DLG2: variants seen among roughly 807,000 people sequenced by gnomAD.
DLG2 encodes disks large homolog 2.
Under a neutral mutation model 132.5 loss-of-function variants are expected in DLG2, and 45 were observed. The ratio of observed to expected loss-of-function variants is 0.34; its 90% CI spans 0.27 to 0.44. DLG2 has a LOEUF of 0.44. Ranked by LOEUF, DLG2 falls within the 20% of genes least tolerant of loss-of-function variation. The probability of loss-of-function intolerance (pLI) is 1.00; values close to 1 mark genes in which losing one functional copy is unlikely to be tolerated. For missense variants in DLG2, 1,045 were observed against 1,196.9 expected (o/e 0.87, Z 1.87); for synonymous variants, 424 against 419.6 (o/e 1.01, Z -0.13).
chr11:83,607,415 T>A (rs2059505826), intron 19 of DLG2, among the ~76,000 whole-genome samples: 1 of 152,210 alleles, frequency 6.6e-6, no homozygotes, highest in Admixed American at 6.5e-5. Context: ...CTATGGGCAC[T>A]ATGGTGGGGT....
At position 84,158,339 on chromosome 11, in the gene DLG2, AG is replaced by A. The variant is rs538110979; in HGVS notation, c.624+5121del. 5.3e-5 allele frequency among the ~76,000 whole-genome samples: 8 copies of A among 152,324 alleles called. No individual in the cohort carries two copies. The South Asian group carries it at 1.7e-3, about 32-fold the overall frequency. On this transcript the variant is annotated intron_variant, in intron 9 of 27. Coordinates refer to ENST00000376104, the MANE Select transcript of DLG2 (RefSeq NM_001142699.3). ...TGGCCTCCCAAAGGGCTGGGATTAC[AG>A]GCATGAGCCACCGCCCCTGGCCTAT... is the stretch of plus-strand genomic sequence containing the variant.
At chr11:83,688,675 T>A (rs1030795913) in intron 18 of DLG2, among the ~76,000 whole-genome samples, 5 of 152,238 alleles carry the variant, frequency 3.3e-5, no homozygotes, top group African/African-American at 1.2e-4. Flanking sequence ...TAATATATAT[T>A]GATGTCATAT....
intron 14 of DLG2, among the ~76,000 whole-genome samples, chr11:83,952,767 A>G (rs2085791770): frequency 6.6e-6 from 1 of 152,186 alleles, no homozygotes; most frequent in Admixed American, 6.5e-5. Context: ...AAAAAACTCA[A>G]AGGAAAATAT....
intron 6 of DLG2, among the ~76,000 whole-genome samples, chr11:84,844,127 GTGTGTGTGTATATATATA>G (rs1237601886): frequency 1.1e-3 from 28 of 25,996 alleles, no homozygotes; most frequent in African/African-American, 3.3e-3. Context: ...GTGTGTGTGT[GTGTGTGTGTATATATATA>G]TATATATATA....
intron 3 of DLG2, among the ~76,000 whole-genome samples, chr11:85,411,554 C>T (rs1431725085): frequency 6.6e-6 from 1 of 151,856 alleles, no homozygotes; most frequent in Admixed American, 6.6e-5. Flanking sequence ...TATTGTTTCA[C>T]ATCTGTAAAA....
At chr11:84,130,691 T>C (rs1049057984) in intron 9 of DLG2, among the ~76,000 whole-genome samples, 1 of 151,832 alleles carries the variant, frequency 6.6e-6, no homozygotes, top group African/African-American at 2.4e-5. Flanking sequence ...TGTGTCCAAC[T>C]TGTGACCTAA....
At chr11:84,728,733 G>A (rs1350170909) in intron 6 of DLG2, among the ~76,000 whole-genome samples, 1 of 151,972 alleles carries the variant, frequency 6.6e-6, no homozygotes, top group Admixed American at 6.5e-5. Context: ...ACTTTTTTTG[G>A]TTGTTAGGCT....
chr11:84,093,397 C>T (rs1372904065), intron 10 of DLG2, among the ~76,000 whole-genome samples: 1 of 152,184 alleles, frequency 6.6e-6, no homozygotes, highest in Non-Finnish European at 1.5e-5. Context: ...TTCAATCCAG[C>T]AACAACGTGT....
At chr11:84,860,849 A>T (rs1347317756) in intron 6 of DLG2, among the ~76,000 whole-genome samples, 1 of 151,824 alleles carries the variant, frequency 6.6e-6, no homozygotes, top group Non-Finnish European at 1.5e-5. Context: ...CCAAGGGGGA[A>T]CTGCAATAGC....
At chr11:85,411,611 A>G (rs2089316683) in intron 3 of DLG2, among the ~76,000 whole-genome samples, 2 of 151,924 alleles carry the variant, frequency 1.3e-5, no homozygotes, top group Non-Finnish European at 2.9e-5. Flanking sequence ...AATGTCATTC[A>G]GTCATATGCA....
intron 3 of DLG2, among the ~76,000 whole-genome samples, chr11:85,347,584 T>C (rs1422034045): frequency 6.6e-6 from 1 of 152,092 alleles, no homozygotes; most frequent in African/African-American, 2.4e-5. Context: ...AAAGGGTATA[T>C]AAGCTTCTGT....
chr11:84,576,721 A>C (rs2154528508), intron 6 of DLG2, among the ~76,000 whole-genome samples: 1 of 152,344 alleles, frequency 6.6e-6, no homozygotes, highest in African/African-American at 2.4e-5. Flanking sequence ...TGGCTAAATT[A>C]GATAATTTAT....
At chr11:85,491,165 A>T (rs1400964917) in intron 3 of DLG2, among the ~76,000 whole-genome samples, 1 of 152,178 alleles carries the variant, frequency 6.6e-6, no homozygotes. Flanking sequence ...AATAAAGGAC[A>T]AAAGCCATAT....
At chr11:84,637,564 A>C (rs1054530357) in intron 6 of DLG2, among the ~76,000 whole-genome samples, 1 of 152,214 alleles carries the variant, frequency 6.6e-6, no homozygotes, top group Admixed American at 6.5e-5. Flanking sequence ...ACTATAACCC[A>C]AAACTGCAGC....
chr11:83,786,467 C>A, intron 18 of DLG2: 2 of 487,914 alleles, frequency 4.1e-6, no homozygotes, highest in Non-Finnish European at 3.7e-6. Context: ...TATTTGAATT[C>A]ATATTTTCAT....
chr11:84,692,008 C>A (rs1565675476), intron 6 of DLG2, among the ~76,000 whole-genome samples: 1 of 151,796 alleles, frequency 6.6e-6, no homozygotes, highest in Non-Finnish European at 1.5e-5. Context: ...CTTCCTCTCT[C>A]CACATTCAGT....
At chr11:85,509,671 C>T (rs1436116530) in intron 3 of DLG2, among the ~76,000 whole-genome samples, 1 of 151,986 alleles carries the variant, frequency 6.6e-6, no homozygotes, top group African/African-American at 2.4e-5. Flanking sequence ...TTTTATTCAA[C>T]AAATATTTAC....
In DLG2 at chr11:84,377,173, G is replaced by T. The variant is rs545336953; in HGVS notation, c.520-125882C>A. Among the ~76,000 whole-genome samples the T allele has an allele frequency of 1.4e-4, 21 of 151,982 alleles. No individual in the cohort carries two copies. The South Asian group carries it at 4.2e-3, about 30-fold the overall frequency. ...GAAGTTGAATCCAAATATAATCCAG[G>T]CTTTATACTTATTTTTTAGTTTATA... On this transcript the variant is annotated intron_variant, in intron 7 of 27. Transcript: ENST00000376104.
At chr11:83,526,019 G>A (rs1024636536) in intron 21 of DLG2, among the ~76,000 whole-genome samples, 1 of 152,124 alleles carries the variant, frequency 6.6e-6, no homozygotes, top group Non-Finnish European at 1.5e-5. Flanking sequence ...ATGGCCATAT[G>A]GAAAGTTCTA....
Sources: gnomAD v4.1 joint callset for allele counts (sites outside exome capture counted in the v4.1 genomes callset) on GRCh38, gnomAD v4.1.1 for gene constraint, MANE v1.5 for transcripts, NCBI Gene and HGNC (gene_info 2026-07-23, HGNC 2026-07-21) for gene names.